The following SRPK2 variants were observed in gnomAD, a reference collection of about 807,000 sequenced individuals.
The protein encoded by SRPK2 is SFRS protein kinase 2.
Under a neutral mutation model 90.8 loss-of-function variants are expected in SRPK2, and 21 were observed. The observed-to-expected ratio is 0.23, with a 90% CI of 0.16 to 0.33. The LOEUF (loss-of-function observed/expected upper bound fraction) is 0.33, where lower values mean the gene tolerates loss of function less well. SRPK2 is among the 10% of genes least tolerant of loss of function. SRPK2 has a pLI of 1.00. For missense variants in SRPK2, 620 were observed against 869.0 expected, an observed-to-expected ratio of 0.71 and a Z score of 3.60; for synonymous variants, 288 against 311.1, an observed-to-expected ratio of 0.93 and a Z score of 0.78.
intron 3 of SRPK2, among the ~76,000 whole-genome samples, chr7:105,172,512 T>C (rs1020258575): frequency 6.6e-6 from 1 of 152,230 alleles, no homozygotes; most frequent in African/African-American, 2.4e-5. Flanking sequence ...TACGTGTTCA[T>C]GGAATTATTT....
At chr7:105,350,590 C>G (rs1817060207) in intron 2 of SRPK2, among the ~76,000 whole-genome samples, 2 of 140,102 alleles carry the variant, frequency 1.4e-5, no homozygotes, top group Admixed American at 1.5e-4. Flanking sequence ...GTGGCTCAAT[C>G]TGAGCTCACC....
chr7:105,317,728 A>G lies in SRPK2; in HGVS notation c.71+70920T>C, dbSNP rs77348739. ...AAAGAAATTTTCAAAAATGTCCAAC[A>G]ATGTCATTCTTCTCATTAGTTTTAA... On this transcript the variant is annotated intron_variant, in intron 2 of 15. Coordinates refer to ENST00000393651, the MANE Select transcript of SRPK2 (RefSeq NM_182692.3). 1.2e-3 allele frequency among the ~76,000 whole-genome samples: 183 copies of G among 152,282 alleles called. 1 individual carries two copies. The East Asian group carries it at 0.035, about 29-fold the overall frequency.
At chr7:105,265,632 A>T (rs1804956996) in intron 2 of SRPK2, among the ~76,000 whole-genome samples, 1 of 152,136 alleles carries the variant, frequency 6.6e-6, no homozygotes. Context: ...TAGTTTTTTT[A>T]ATCAGATATT....
At chr7:105,289,639 T>C (rs533126264) in intron 2 of SRPK2, among the ~76,000 whole-genome samples, 1 of 152,342 alleles carries the variant, frequency 6.6e-6, no homozygotes, top group African/African-American at 2.4e-5. Flanking sequence ...GTTGATATTC[T>C]ATCCATACCC....
intron 2 of SRPK2, among the ~76,000 whole-genome samples, chr7:105,245,485 A>G (rs1161265303): frequency 1.3e-5 from 2 of 152,176 alleles, no homozygotes; most frequent in African/African-American, 2.4e-5. Context: ...TTTTAGGAAT[A>G]TAATTCTGGG....
intron 2 of SRPK2, among the ~76,000 whole-genome samples, chr7:105,235,460 TTG>T (rs57638058): frequency 0.5 from 75,555 of 150,788 alleles, 19,303 homozygotes; most frequent in Non-Finnish European, 0.53. Flanking sequence ...TTGTCTGGGA[TTG>T]TGTGTGTGTG....
intron 6 of SRPK2, among the ~76,000 whole-genome samples, chr7:105,163,736 G>A (rs987088589): frequency 3.9e-5 from 6 of 152,158 alleles, no homozygotes; most frequent in African/African-American, 7.2e-5. Flanking sequence ...TCTTGAACCC[G>A]GGAGGCGGAG....
rs1056580668 is a variant in SRPK2 at position 105,149,024 on chromosome 7, T to C, written c.622-2366A>G. Among the ~76,000 whole-genome samples the C allele has an allele frequency of 7.9e-5, 12 of 152,208 alleles. No homozygotes were observed. In the East Asian group the frequency reaches 1.7e-3, roughly 22 times the overall value. On this transcript the variant is annotated intron_variant, in intron 7 of 15. Coordinates refer to ENST00000393651, the MANE Select transcript of SRPK2 (RefSeq NM_182692.3). Reference sequence around the variant, plus strand: ...TTGTCCAAGGTTTCTCCCCATGTGATAGTCTGAAATATGGCCTCGTGGGAT... The same window carrying C: ...TTGTCCAAGGTTTCTCCCCATGTGACAGTCTGAAATATGGCCTCGTGGGAT...
chr7:105,115,925 A>T (rs1326078921), downstream of SRPK2, among the ~76,000 whole-genome samples: 1 of 152,190 alleles, frequency 6.6e-6, no homozygotes, highest in Non-Finnish European at 1.5e-5. Flanking sequence ...ACTATCTATC[A>T]CAGAATTTAC....
At chr7:105,192,554 T>C (rs1794429926) in intron 3 of SRPK2, among the ~76,000 whole-genome samples, 1 of 152,220 alleles carries the variant, frequency 6.6e-6, no homozygotes, top group Non-Finnish European at 1.5e-5. Context: ...TTCCTCTAGG[T>C]AGATACTCAG....
chr7:105,344,664 T>C (rs1425417662), intron 2 of SRPK2, among the ~76,000 whole-genome samples: 1 of 151,750 alleles, frequency 6.6e-6, no homozygotes, highest in Non-Finnish European at 1.5e-5. Context: ...AATCCACAGT[T>C]TGCAGACCCC....
intron 2 of SRPK2, among the ~76,000 whole-genome samples, chr7:105,221,031 T>TA (rs1798033067): frequency 6.6e-6 from 1 of 152,052 alleles, no homozygotes; most frequent in Admixed American, 6.5e-5. Context: ...AATCAGAAAA[T>TA]AAAGTTCATG....
chr7:105,181,844 T>C (rs1299220550), intron 3 of SRPK2, among the ~76,000 whole-genome samples: 1 of 143,406 alleles, frequency 7.0e-6, no homozygotes, highest in African/African-American at 2.6e-5. Context: ...ACATAACACA[T>C]GTGCACATAC....
At chr7:105,356,853 G>A (rs1237320230) in intron 2 of SRPK2, among the ~76,000 whole-genome samples, 4 of 152,072 alleles carry the variant, frequency 2.6e-5, no homozygotes, top group Admixed American at 2.0e-4. Flanking sequence ...ACATGATAGA[G>A]GCAAAATATG....
At chr7:105,176,937 G>C (rs1792034296) in intron 3 of SRPK2, among the ~76,000 whole-genome samples, 1 of 152,002 alleles carries the variant, frequency 6.6e-6, no homozygotes, top group Non-Finnish European at 1.5e-5. Flanking sequence ...GCCCTGCCTA[G>C]TCATATATTT....
chr7:105,158,583 G>A (rs1351269723), intron 7 of SRPK2, among the ~76,000 whole-genome samples: 2 of 152,156 alleles, frequency 1.3e-5, no homozygotes, highest in Admixed American at 1.3e-4. Context: ...TAAGCCTAAA[G>A]GGTGGTGGTG....
At chr7:105,290,656 T>A (rs1470353316) in intron 2 of SRPK2, among the ~76,000 whole-genome samples, 3 of 152,066 alleles carry the variant, frequency 2.0e-5, no homozygotes, top group African/African-American at 7.2e-5. Flanking sequence ...ACACGCAGAC[T>A]CTGTCTCAAC....
chr7:105,164,986 G>C (rs891194946), intron 6 of SRPK2, among the ~76,000 whole-genome samples: 4 of 152,172 alleles, frequency 2.6e-5, no homozygotes, highest in African/African-American at 7.2e-5. Context: ...CTTGGAAAAT[G>C]AAAGTACTGC....
intron 7 of SRPK2, 127 bp from the exon 8 acceptor site, chr7:105,146,785 T>A: frequency 1.0e-6 from 1 of 1,004,680 alleles, no homozygotes; most frequent in Non-Finnish European, 1.4e-6. Context: ...GGATATTTAG[T>A]AAAAATCTCC....
Sources: gnomAD v4.1 joint callset for allele counts (sites outside exome capture counted in the v4.1 genomes callset) on GRCh38, gnomAD v4.1.1 for gene constraint, MANE v1.5 for transcripts, NCBI Gene and HGNC (gene_info 2026-07-23, HGNC 2026-07-21) for gene names.